PITPNM3: variants seen among roughly 807,000 people sequenced by gnomAD.
The protein encoded by PITPNM3 is PITPNM family member 3.
Under a neutral mutation model 102.0 loss-of-function variants are expected in PITPNM3, and 26 were observed. The ratio of observed to expected loss-of-function variants is 0.25; its 90% CI spans 0.19 to 0.35. The LOEUF is 0.35. Ranked by LOEUF, PITPNM3 falls within the 10% of genes least tolerant of loss-of-function variation. The pLI, the probability that PITPNM3 is intolerant of heterozygous loss-of-function variation, is 1.00. For synonymous variants in PITPNM3, 578 were observed against 558.6 expected, an observed-to-expected ratio of 1.03 and a Z score of -0.49; for missense variants, 1,083 against 1,346.1, an observed-to-expected ratio of 0.80 and a Z score of 3.06.
chr17:6,555,956 G>A (rs1342413414), intron 1 of PITPNM3, among the ~76,000 whole-genome samples: 3 of 152,182 alleles, frequency 2.0e-5, no homozygotes, highest in Non-Finnish European at 4.4e-5. Context: ...GGGGGTTGTG[G>A]CGTCCTGGAT....
In PITPNM3 at chr17:6,454,979, C is replaced by G. The variant is rs1914020043; in HGVS notation, c.*359G>C. ...CTGGGGCTGCCCCCTTGAGGGCCTG[C>G]CTAGCTCGCTGTGAAGCCTGGGGAC... On this transcript the variant is annotated 3_prime_UTR_variant, in exon 20 of 20. Transcript: ENST00000262483. 1 of 299,436 alleles carries G rather than the reference C, an allele frequency of 3.3e-6. No individual in the cohort carries two copies. The highest frequency in any genetic ancestry group is 6.9e-5 in the East Asian group (1 of 14,536). The allele number at this position is 299,436 out of a possible 1,614,324, so 18.5% of individuals were successfully genotyped here.
intron 2 of PITPNM3, among the ~76,000 whole-genome samples, chr17:6,527,795 C>T (rs938980076): frequency 3.1e-4 from 47 of 152,216 alleles, no homozygotes; most frequent in African/African-American, 1.0e-3. Flanking sequence ...ATACCTCTGA[C>T]ATAAGCTAAG....
At chr17:6,533,554 A>C (rs956044568) in intron 2 of PITPNM3, among the ~76,000 whole-genome samples, 23 of 151,992 alleles carry the variant, frequency 1.5e-4, no homozygotes, top group African/African-American at 5.3e-4. Context: ...TCCTGGGTTC[A>C]AGCGATTCTC....
intron 6 of PITPNM3, chr17:6,479,049 A>G (rs1370778247): frequency 5.4e-6 from 2 of 372,068 alleles, no homozygotes; most frequent in Admixed American, 8.0e-5. Context: ...CCAATCATAG[A>G]GGAAGAAGTC....
chr17:6,514,223 G>A (rs930697846), intron 3 of PITPNM3, among the ~76,000 whole-genome samples: 9 of 151,440 alleles, frequency 5.9e-5, no homozygotes, highest in African/African-American at 2.2e-4. Flanking sequence ...CTTACATATG[G>A]CACCAAAAGG....
At chr17:6,520,408 A>G (rs749177817) in intron 3 of PITPNM3, among the ~76,000 whole-genome samples, 27 of 152,256 alleles carry the variant, frequency 1.8e-4, no homozygotes, top group Non-Finnish European at 3.7e-4. Flanking sequence ...AAATTATGGT[A>G]CAACTATAGT....
At chr17:6,461,829 G>A (rs1010205453) in intron 17 of PITPNM3, among the ~76,000 whole-genome samples, 14 of 151,400 alleles carry the variant, frequency 9.2e-5, no homozygotes, top group Admixed American at 1.3e-4. Context: ...AGAGACAGGC[G>A]CCTTTCATTC....
At position 6,482,949 on chromosome 17, in the gene PITPNM3, CT is replaced by C. The variant is rs139179907; in HGVS notation, c.587+567del. Reference sequence around the variant, plus strand: ...TAGCTAAACTCTCAACACTCCGTGTCTTTTTTTTTTTTTGAGACAGAGTCTC... The same window carrying C: ...TAGCTAAACTCTCAACACTCCGTGTCTTTTTTTTTTTTGAGACAGAGTCTC... On this transcript the variant is annotated intron_variant, in intron 6 of 19. Coordinates refer to ENST00000262483, the MANE Select transcript of PITPNM3 (RefSeq NM_031220.4). Among the ~76,000 whole-genome samples, 1,039 of 144,088 alleles carry C rather than the reference CT, an allele frequency of 7.2e-3. 9 individuals carry two copies. The highest frequency in any genetic ancestry group is 0.021 in the African/African-American group (842 of 39,628). The allele number at this position is 144,088 out of a possible 152,430, so 94.5% of individuals were successfully genotyped here.
chr17:6,455,314 C>T lies in PITPNM3; in HGVS notation c.*24G>A, dbSNP rs1475403138. The T allele has an allele frequency of 1.9e-6, 3 of 1,553,110 alleles. No individual in the cohort carries two copies. Among genetic ancestry groups the T allele is most frequent in the African/African-American group, 1.4e-5 (1 of 72,950 alleles). On this transcript the variant is annotated 3_prime_UTR_variant, in exon 20 of 20. Transcript: ENST00000262483. ...GGCAGCCTGATTGGGCCCCCCGCTC[C>T]CTGCTCTGAGCACAGCCCACCCCTC...
At chr17:6,461,839 C>G (rs902071269) in intron 17 of PITPNM3, among the ~76,000 whole-genome samples, 1 of 146,576 alleles carries the variant, frequency 6.8e-6, no homozygotes, top group Non-Finnish European at 1.5e-5. Flanking sequence ...GCCTTTCATT[C>G]TTCCCTGTTC....
intron 9 of PITPNM3, among the ~76,000 whole-genome samples, chr17:6,475,556 C>A (rs181897557): frequency 6.6e-6 from 1 of 152,368 alleles, no homozygotes; most frequent in Admixed American, 6.5e-5. Context: ...TCAGTCTCCG[C>A]ACTCCCTCCT....
At chr17:6,462,802 G>C (rs1904533325) in intron 17 of PITPNM3, among the ~76,000 whole-genome samples, 1 of 152,172 alleles carries the variant, frequency 6.6e-6, no homozygotes, top group Non-Finnish European at 1.5e-5. Context: ...TAGGGATTCT[G>C]GTTAGTTCTG....
At chr17:6,496,434 C>T (rs757754479) in intron 4 of PITPNM3, among the ~76,000 whole-genome samples, 4 of 152,248 alleles carry the variant, frequency 2.6e-5, no homozygotes, top group Admixed American at 6.5e-5. Flanking sequence ...AAATGTTCCC[C>T]GGGCCTGGGC....
At position 6,469,118 on chromosome 17, in the gene PITPNM3, G is replaced by C. The variant is rs552449461; in HGVS notation, c.1774-777C>G. On this transcript the variant is annotated intron_variant, in intron 13 of 19. Coordinates refer to ENST00000262483, the MANE Select transcript of PITPNM3 (RefSeq NM_031220.4). This position sits in a 1 kb window ranked among gnomAD's most constrained non-coding sequence, Gnocchi z 4.0. ...TCCTTCTCTCCCTGGGGGAGCTCCA[G>C]GACTCATCCCTGAACTTCCCTCTCT... is the stretch of plus-strand genomic sequence containing the variant. Among the ~76,000 whole-genome samples, 2 of 152,214 alleles carry C rather than the reference G, an allele frequency of 1.3e-5. No individual in the cohort carries two copies. The highest frequency in any genetic ancestry group is 2.9e-5 in the Non-Finnish European group (2 of 68,004).
intron 6 of PITPNM3, among the ~76,000 whole-genome samples, chr17:6,482,438 C>A (rs1276710110): frequency 6.6e-6 from 1 of 152,198 alleles, no homozygotes; most frequent in Non-Finnish European, 1.5e-5. Context: ...TCCCCCATAC[C>A]TCACCTTATG....
chr17:6,482,519 C>T (rs1000674165), intron 6 of PITPNM3, among the ~76,000 whole-genome samples: 3 of 152,098 alleles, frequency 2.0e-5, no homozygotes, highest in Non-Finnish European at 4.4e-5. Context: ...TTCTGTGAGC[C>T]GATCTAGCAA....
chr17:6,553,981 A>T (rs12603557), intron 1 of PITPNM3, among the ~76,000 whole-genome samples: 162 of 152,262 alleles, frequency 1.1e-3, no homozygotes, highest in East Asian at 0.01. Context: ...TCATACACAC[A>T]TTACTGTGTG....
chr17:6,481,782 A>G (rs1905690408), intron 6 of PITPNM3: 1 of 149,172 alleles, frequency 6.7e-6, no homozygotes, highest in Non-Finnish European at 1.5e-5. Flanking sequence ...ATAGATAGAT[A>G]ATGGATGGAC....
At chr17:6,502,100 T>TA (rs1255811989) in intron 4 of PITPNM3, among the ~76,000 whole-genome samples, 2 of 152,244 alleles carry the variant, frequency 1.3e-5, no homozygotes, top group African/African-American at 4.8e-5. Context: ...CATTCACACT[T>TA]ACCAGCCCCT....
Sources: gnomAD v4.1 joint callset for allele counts (sites outside exome capture counted in the v4.1 genomes callset) on GRCh38, gnomAD v4.1.1 for gene constraint, Gnocchi (gnomAD v3.1) non-coding constraint, MANE v1.5 for transcripts, NCBI Gene and HGNC (gene_info 2026-07-23, HGNC 2026-07-21) for gene names.